GABRB1: variants seen among roughly 807,000 people sequenced by gnomAD.
GABRB1 encodes the protein gamma-aminobutyric acid receptor subunit beta-1.
A neutral mutation model predicts 51.6 loss-of-function variants in GABRB1; 17 were observed. That is an observed-to-expected ratio of 0.33 (90% CI 0.23 to 0.49). The LOEUF is 0.49. Among genes scored for constraint, GABRB1 ranks in the 20% least tolerant of loss-of-function variants. GABRB1 has a pLI of 0.99. For missense variants in GABRB1, 410 were observed against 600.6 expected (o/e 0.68, Z 3.32); for synonymous variants, 247 against 218.9 (o/e 1.13, Z -1.14).
At chr4:47,272,036 C>T (rs1410675238) in intron 4 of GABRB1, among the ~76,000 whole-genome samples, 7 of 152,142 alleles carry the variant, frequency 4.6e-5, no homozygotes, top group Non-Finnish European at 1.0e-4. Flanking sequence ...ATCCAAACGA[C>T]TCCATGTATG....
intron 3 of GABRB1, among the ~76,000 whole-genome samples, chr4:47,107,300 C>A (rs1452780000): frequency 1.3e-5 from 2 of 151,978 alleles, no homozygotes; most frequent in Non-Finnish European, 2.9e-5. Flanking sequence ...GGGATCGAGC[C>A]TCTGGGATCC....
At chr4:47,004,946 A>G (rs111226776) in intron 1 of GABRB1, among the ~76,000 whole-genome samples, 8 of 152,308 alleles carry the variant, frequency 5.3e-5, no homozygotes, top group African/African-American at 1.9e-4. Flanking sequence ...ACTGTTGCTA[A>G]GGCATATATA....
intron 5 of GABRB1, among the ~76,000 whole-genome samples, chr4:47,384,584 T>A (rs1353449853): frequency 6.6e-6 from 1 of 152,080 alleles, no homozygotes; most frequent in Non-Finnish European, 1.5e-5. Context: ...TATAAGGTGG[T>A]CTTAGAAATT....
chr4:47,145,607 C>T (rs1035103262), intron 3 of GABRB1, among the ~76,000 whole-genome samples: 3 of 151,972 alleles, frequency 2.0e-5, no homozygotes, highest in African/African-American at 7.2e-5. Flanking sequence ...GAAAGGAACA[C>T]GACATAGCAT....
chr4:47,045,797 A>C (rs1726058001), intron 3 of GABRB1, among the ~76,000 whole-genome samples: 1 of 152,070 alleles, frequency 6.6e-6, no homozygotes, highest in Non-Finnish European at 1.5e-5. Context: ...AAGTTTTGGC[A>C]TGTGACTTTT....
chr4:47,109,725 G>T (rs1663048345), intron 3 of GABRB1, among the ~76,000 whole-genome samples: 1 of 152,136 alleles, frequency 6.6e-6, no homozygotes, highest in African/African-American at 2.4e-5. Flanking sequence ...GAGAAAGGTA[G>T]ATTTAAAGAT....
intron 5 of GABRB1, among the ~76,000 whole-genome samples, chr4:47,368,848 C>T (rs534432746): frequency 3.3e-5 from 5 of 152,188 alleles, no homozygotes; most frequent in Admixed American, 2.6e-4. Flanking sequence ...TGGCTCATGC[C>T]TGTAATCGCA....
chr4:47,161,041 C>T (rs1717930473), intron 3 of GABRB1, among the ~76,000 whole-genome samples: 1 of 151,904 alleles, frequency 6.6e-6, no homozygotes, highest in African/African-American at 2.4e-5. Context: ...GATTCTCCTG[C>T]CTTGGCCTCC....
At chr4:47,127,031 C>A (rs1253921229) in intron 3 of GABRB1, among the ~76,000 whole-genome samples, 1 of 151,980 alleles carries the variant, frequency 6.6e-6, no homozygotes, top group South Asian at 2.1e-4. Flanking sequence ...GTTCATAATA[C>A]AGCTGTCCTT....
At chr4:47,109,042 G>A (rs890761498) in intron 3 of GABRB1, among the ~76,000 whole-genome samples, 1 of 152,050 alleles carries the variant, frequency 6.6e-6, no homozygotes, top group Non-Finnish European at 1.5e-5. Context: ...AATAACATGT[G>A]AAAGTTATTT....
At chr4:47,213,167 A>G (rs1050440886) in intron 4 of GABRB1, among the ~76,000 whole-genome samples, 5 of 152,184 alleles carry the variant, frequency 3.3e-5, no homozygotes, top group Admixed American at 2.6e-4. Flanking sequence ...ATTTTCCTGC[A>G]TAGCCTCTCC....
At chr4:47,098,173 C>T (rs983469352) in intron 3 of GABRB1, among the ~76,000 whole-genome samples, 7 of 151,712 alleles carry the variant, frequency 4.6e-5, no homozygotes, top group African/African-American at 1.5e-4. Flanking sequence ...CACACACACA[C>T]ACACACACAC....
chr4:46,998,285 A>AT (rs1189686661), intron 1 of GABRB1, among the ~76,000 whole-genome samples: 1 of 152,112 alleles, frequency 6.6e-6, no homozygotes, highest in Non-Finnish European at 1.5e-5. Flanking sequence ...ATTATTAATT[A>AT]TTTTTTTATA....
chr4:47,112,245 T>C (rs1188746592), intron 3 of GABRB1, among the ~76,000 whole-genome samples: 1 of 152,198 alleles, frequency 6.6e-6, no homozygotes, highest in African/African-American at 2.4e-5. Flanking sequence ...GAATCCCTAC[T>C]TAAAGATATT....
chr4:47,197,738 G>T (rs1011020264), intron 4 of GABRB1, among the ~76,000 whole-genome samples: 2 of 152,076 alleles, frequency 1.3e-5, no homozygotes, highest in Non-Finnish European at 2.9e-5. Context: ...TACTATATAT[G>T]CCATACATGT....
chr4:47,382,803 C>G (rs1204332679), intron 5 of GABRB1, among the ~76,000 whole-genome samples: 1 of 152,124 alleles, frequency 6.6e-6, no homozygotes, highest in African/African-American at 2.4e-5. Flanking sequence ...TCATGGACAT[C>G]AGAAATAAAG....
At chr4:47,147,478 G>A (rs115858779) in intron 3 of GABRB1, among the ~76,000 whole-genome samples, 8 of 152,092 alleles carry the variant, frequency 5.3e-5, no homozygotes, top group East Asian at 3.9e-4. Context: ...TCCACTAGAC[G>A]GCAGGCCCTG....
chr4:46,999,354 T>C (rs1326610058), intron 1 of GABRB1, among the ~76,000 whole-genome samples: 1 of 152,198 alleles, frequency 6.6e-6, no homozygotes, highest in African/African-American at 2.4e-5. Flanking sequence ...GTTTAACATA[T>C]TCATACCATA....
At chr4:47,241,858 GT>G (rs891904774) in intron 4 of GABRB1, among the ~76,000 whole-genome samples, 28 of 151,396 alleles carry the variant, frequency 1.8e-4, no homozygotes, top group African/African-American at 5.3e-4. Context: ...TTCATTAAAG[GT>G]TTTTTTTATC....
Sources: gnomAD v4.1 joint callset for allele counts (sites outside exome capture counted in the v4.1 genomes callset) on GRCh38, gnomAD v4.1.1 for gene constraint, MANE v1.5 for transcripts, NCBI Gene and HGNC (gene_info 2026-07-23, HGNC 2026-07-21) for gene names.